MAST4: variants seen among roughly 807,000 people sequenced by gnomAD.
MAST4 encodes the protein microtubule associated serine/threonine kinase family member 4.
MAST4 carries 89 observed loss-of-function variants against 162.7 expected under a neutral mutation model. The ratio of observed to expected loss-of-function variants is 0.55; its 90% CI spans 0.46 to 0.65. The LOEUF is 0.65. MAST4 is among the 30% of genes least tolerant of loss of function. The pLI, the probability that MAST4 is intolerant of heterozygous loss-of-function variation, is 0.00. For synonymous variants in MAST4, 1,479 were observed against 1,361.1 expected, an observed-to-expected ratio of 1.09 and a Z score of -1.91; for missense variants, 3,153 against 3,374.0, an observed-to-expected ratio of 0.93 and a Z score of 1.62.
intron 1 of MAST4, among the ~76,000 whole-genome samples, chr5:66,640,587 G>A (rs113269494): frequency 0.019 from 2,923 of 152,294 alleles, 49 homozygotes; most frequent in Middle Eastern, 0.034. Flanking sequence ...GATTACAGGC[G>A]TGAGCCACCG....
At chr5:66,963,679 C>T (rs772937649) in intron 4 of MAST4, 15 of 779,496 alleles carry the variant, frequency 1.9e-5, no homozygotes, top group South Asian at 1.9e-4. Context: ...AATTCTCCCA[C>T]TTGGAATGAC....
chr5:66,718,304 C>T (rs779791047), intron 1 of MAST4, among the ~76,000 whole-genome samples: 14 of 149,082 alleles, frequency 9.4e-5, no homozygotes, highest in South Asian at 2.1e-4. Flanking sequence ...GCTTGTCTTT[C>T]GGTATAAATG....
chr5:66,764,129 T>A (rs1198669037), intron 2 of MAST4, among the ~76,000 whole-genome samples: 4 of 152,208 alleles, frequency 2.6e-5, no homozygotes, highest in African/African-American at 9.7e-5. Flanking sequence ...CAAGAAGTAT[T>A]TTTTTCTTGT....
At chr5:67,043,039 T>C (rs1756957076) in intron 4 of MAST4, among the ~76,000 whole-genome samples, 1 of 152,158 alleles carries the variant, frequency 6.6e-6, no homozygotes, top group Non-Finnish European at 1.5e-5. Context: ...TTGAAATAAA[T>C]TTCTGTTGAA....
chr5:66,966,229 TA>T (rs1477058650), intron 4 of MAST4, among the ~76,000 whole-genome samples: 1 of 152,254 alleles, frequency 6.6e-6, no homozygotes, highest in African/African-American at 2.4e-5. Flanking sequence ...TGAGATCATT[TA>T]TATTGAGTTT....
At chr5:67,030,893 T>A (rs529728853) in intron 4 of MAST4, among the ~76,000 whole-genome samples, 113 of 152,288 alleles carry the variant, frequency 7.4e-4, no homozygotes, top group African/African-American at 2.6e-3. Flanking sequence ...GTTGATTCTA[T>A]GCCAATTAAC....
At chr5:66,732,927 AT>A (rs1277695974) in intron 1 of MAST4, among the ~76,000 whole-genome samples, 2 of 151,942 alleles carry the variant, frequency 1.3e-5, no homozygotes, top group Non-Finnish European at 2.9e-5. Flanking sequence ...TATGAGAATT[AT>A]TTTTTCTGGT....
chr5:67,119,049 G>A (rs1209545605), intron 13 of MAST4, among the ~76,000 whole-genome samples: 1 of 152,144 alleles, frequency 6.6e-6, no homozygotes, highest in Non-Finnish European at 1.5e-5. Flanking sequence ...CTACATCAGA[G>A]GACTAAGCAA....
rs949492211 is a variant in MAST4 at position 66,902,452 on chromosome 5, G to A, written c.674+2470G>A. 9.2e-5 allele frequency among the ~76,000 whole-genome samples: 14 copies of A among 152,052 alleles called. No homozygotes were observed. The East Asian group carries it at 2.7e-3, about 29-fold the overall frequency. On this transcript the variant is annotated intron_variant, in intron 4 of 28. Coordinates refer to ENST00000403625, the MANE Select transcript of MAST4 (RefSeq NM_001164664.2). ...AGGTAACTTTTATATCCAGAATCAT[G>A]GTAAAAACATACATTAAATTGAAAG...
At chr5:66,710,274 T>C (rs898145986) in intron 1 of MAST4, among the ~76,000 whole-genome samples, 4 of 152,256 alleles carry the variant, frequency 2.6e-5, no homozygotes, top group Non-Finnish European at 5.9e-5. Context: ...TATTGTGTTT[T>C]TTAAAACTCT....
At chr5:67,024,066 C>T (rs1416824785) in intron 4 of MAST4, among the ~76,000 whole-genome samples, 3 of 151,510 alleles carry the variant, frequency 2.0e-5, no homozygotes, top group Admixed American at 6.6e-5. Flanking sequence ...CCCATTCCCC[C>T]TCCCCCAACC....
At chr5:66,804,660 G>T (rs1756093826) in intron 3 of MAST4, among the ~76,000 whole-genome samples, 1 of 152,142 alleles carries the variant, frequency 6.6e-6, no homozygotes, top group East Asian at 1.9e-4. Context: ...GGGTGTATTT[G>T]CTAAACAATA....
intron 4 of MAST4, among the ~76,000 whole-genome samples, chr5:66,955,679 A>C (rs922105074): frequency 1.3e-5 from 2 of 152,124 alleles, no homozygotes; most frequent in Non-Finnish European, 2.9e-5. Context: ...TCATATGTAA[A>C]TATTTTTGTA....
At chr5:67,069,311 TAA>T (rs1554091652) in intron 5 of MAST4, among the ~76,000 whole-genome samples, 190 of 142,050 alleles carry the variant, frequency 1.3e-3, no homozygotes, top group Middle Eastern at 3.8e-3. Flanking sequence ...TATATATATA[TAA>T]AATTTTAAAA....
At chr5:66,821,287 A>AAAGACAT (rs1380004652) in intron 3 of MAST4, among the ~76,000 whole-genome samples, 2 of 152,208 alleles carry the variant, frequency 1.3e-5, no homozygotes, top group African/African-American at 4.8e-5. Context: ...TTGGTGAGAA[A>AAAGACAT]AAGACATATA....
At chr5:67,072,561 T>C (rs1761112672) in intron 5 of MAST4, among the ~76,000 whole-genome samples, 1 of 152,190 alleles carries the variant, frequency 6.6e-6, no homozygotes, top group Non-Finnish European at 1.5e-5. Flanking sequence ...AAACAAAATA[T>C]ATAATTCAAA....
chr5:66,843,321 A>C (rs1197289821), intron 3 of MAST4, among the ~76,000 whole-genome samples: 1 of 152,110 alleles, frequency 6.6e-6, no homozygotes, highest in African/African-American at 2.4e-5. Flanking sequence ...ACCACTTTTC[A>C]TTTGTCAAGC....
At chr5:66,869,332 T>C (rs902543009) in intron 3 of MAST4, among the ~76,000 whole-genome samples, 4 of 152,174 alleles carry the variant, frequency 2.6e-5, no homozygotes, top group African/African-American at 9.7e-5. Context: ...CTTGATTCTA[T>C]GGAAATGGGA....
At chr5:66,664,871 G>C (rs923707401) in intron 1 of MAST4, among the ~76,000 whole-genome samples, 5 of 152,132 alleles carry the variant, frequency 3.3e-5, no homozygotes, top group African/African-American at 1.2e-4. Flanking sequence ...AAGTGAAATA[G>C]TCAAAATGAA....
Sources: gnomAD v4.1 joint callset for allele counts (sites outside exome capture counted in the v4.1 genomes callset) on GRCh38, gnomAD v4.1.1 for gene constraint, MANE v1.5 for transcripts, NCBI Gene and HGNC (gene_info 2026-07-23, HGNC 2026-07-21) for gene names.